RGS5: variants seen among roughly 807,000 people sequenced by gnomAD.
RGS5 encodes regulator of G-protein signalling 5.
A neutral mutation model predicts 18.9 loss-of-function variants in RGS5; 20 were observed. The ratio of observed to expected loss-of-function variants is 1.06; its 90% CI spans 0.74 to 1.54. RGS5 has a LOEUF of 1.54. RGS5 is among the 40% of genes most tolerant of loss of function. The pLI is 0.00. For missense variants in RGS5, 201 were observed against 211.8 expected (o/e 0.95, Z 0.32); for synonymous variants, 57 against 76.2 (o/e 0.75, Z 1.31).
chr1:163,166,896 A>G (rs1010688078), intron 2 of RGS5, among the ~76,000 whole-genome samples: 4 of 152,180 alleles, frequency 2.6e-5, no homozygotes, highest in African/African-American at 9.7e-5. Context: ...AAATTGTCAC[A>G]TTGTTTACTT....
At chr1:163,165,351 T>C (rs537137841) in intron 2 of RGS5, among the ~76,000 whole-genome samples, 4 of 152,288 alleles carry the variant, frequency 2.6e-5, no homozygotes, top group African/African-American at 9.6e-5. Flanking sequence ...AAGGGAGACA[T>C]TTATAATATA....
chr1:163,271,565 C>G (rs1648718489), intron 2 of RGS5, among the ~76,000 whole-genome samples: 1 of 152,152 alleles, frequency 6.6e-6, no homozygotes, highest in African/African-American at 2.4e-5. Context: ...TTAGGCCACC[C>G]AGCCTATGGT....
At position 163,147,232 on chromosome 1, in the gene RGS5, TGGG is replaced by T; in HGVS notation, c.*107_*109del. 1 of 1,147,064 alleles carries T rather than the reference TGGG, an allele frequency of 8.7e-7. No homozygotes were observed. Among genetic ancestry groups the T allele is most frequent in the Non-Finnish European group, 1.2e-6 (1 of 843,252 alleles). The allele number at this position is 1,147,064 out of a possible 1,614,324, so 71.1% of individuals were successfully genotyped here. A position where few individuals can be genotyped will look rare whatever the true frequency, so the allele number is the denominator to read the frequency against. On this transcript the variant is annotated 3_prime_UTR_variant, in exon 5 of 5. Coordinates refer to ENST00000313961, the MANE Select transcript of RGS5 (RefSeq NM_003617.4). ...AACATCCCCTGGGATTTTTCCCATGTGGGTATCACTGAGCAAAGCTGCTGTGGG... is the reference window on the plus strand; with the variant it reads ...AACATCCCCTGGGATTTTTCCCATGTTATCACTGAGCAAAGCTGCTGTGGG...
intron 2 of RGS5, among the ~76,000 whole-genome samples, chr1:163,280,827 A>G (rs1354214542): frequency 6.6e-6 from 1 of 152,236 alleles, no homozygotes; most frequent in East Asian, 1.9e-4. Context: ...TATTGAACAA[A>G]AAGAACAAAA....
intron 4 of RGS5, among the ~76,000 whole-genome samples, chr1:163,151,507 CATA>C (rs1238474407): frequency 1.3e-4 from 20 of 152,186 alleles, no homozygotes; most frequent in Admixed American, 1.3e-3. Flanking sequence ...CACCTTAAAT[CATA>C]ATAATTCCCA....
upstream of RGS5, among the ~76,000 whole-genome samples, chr1:163,220,472 C>A (rs910790766): frequency 6.6e-6 from 1 of 152,146 alleles, no homozygotes; most frequent in Admixed American, 6.6e-5. Flanking sequence ...GCAGTAGCTC[C>A]TCTTTTCCTC....
At chr1:163,267,557 G>GGATT (rs1170705243) in intron 2 of RGS5, among the ~76,000 whole-genome samples, 1 of 152,110 alleles carries the variant, frequency 6.6e-6, no homozygotes, top group Non-Finnish European at 1.5e-5. Flanking sequence ...TGGATGCCCA[G>GGATT]GATTGAGTCT....
chr1:163,146,803 T>C lies in RGS5; in HGVS notation c.*539A>G, dbSNP rs1657146059. The C allele has an allele frequency of 1.3e-5, 2 of 152,312 alleles. 1 individual carries two copies. Among genetic ancestry groups the C allele is most frequent in the Non-Finnish European group, 2.9e-5 (2 of 68,030 alleles). The allele number at this position is 152,312 out of a possible 1,614,324, so 9.4% of individuals were successfully genotyped here. On this transcript the variant is annotated 3_prime_UTR_variant, in exon 5 of 5. Coordinates refer to ENST00000313961, the MANE Select transcript of RGS5 (RefSeq NM_003617.4). ...AGGTGGTCCAAGGGAAGGATCAATATTTTAAATAACATATTTGCTTAAAAT... is the reference window on the plus strand; with the variant it reads ...AGGTGGTCCAAGGGAAGGATCAATACTTTAAATAACATATTTGCTTAAAAT...
At chr1:163,172,907 G>T (rs979331154) in intron 1 of RGS5, among the ~76,000 whole-genome samples, 2 of 152,046 alleles carry the variant, frequency 1.3e-5, no homozygotes, top group African/African-American at 4.8e-5. Context: ...AGAATCCCTG[G>T]AATATTATTT....
At chr1:163,250,306 G>C (rs1471175647) in intron 2 of RGS5, among the ~76,000 whole-genome samples, 1 of 152,218 alleles carries the variant, frequency 6.6e-6, no homozygotes, top group African/African-American at 2.4e-5. Context: ...GAAAAAAAGA[G>C]CCAAAGACAA....
intron 2 of RGS5, among the ~76,000 whole-genome samples, chr1:163,230,785 T>C (rs1173573476): frequency 6.6e-6 from 1 of 152,230 alleles, no homozygotes; most frequent in African/African-American, 2.4e-5. Flanking sequence ...CATACTACAT[T>C]GACTAGTTAG....
intron 1 of RGS5, among the ~76,000 whole-genome samples, chr1:163,185,158 A>G (rs1404135824): frequency 2.2e-4 from 34 of 151,950 alleles, no homozygotes; most frequent in Non-Finnish European, 1.0e-4. Flanking sequence ...TTCTCTCCTA[A>G]ACCCAAAAGC....
At chr1:163,236,454 T>C (rs780059818) in intron 2 of RGS5, among the ~76,000 whole-genome samples, 3 of 152,162 alleles carry the variant, frequency 2.0e-5, no homozygotes, top group Non-Finnish European at 2.9e-5. Flanking sequence ...ATACCTATGA[T>C]GACTATAAAT....
upstream of RGS5, among the ~76,000 whole-genome samples, chr1:163,221,811 T>C (rs535938719): frequency 2.0e-5 from 3 of 152,330 alleles, no homozygotes; most frequent in South Asian, 4.1e-4. Flanking sequence ...TCATTTTGCA[T>C]AGGCCAACCA....
At chr1:163,207,144 T>C (rs1258334866), upstream of RGS5, among the ~76,000 whole-genome samples, 1 of 152,224 alleles carries the variant, frequency 6.6e-6, no homozygotes, top group Non-Finnish European at 1.5e-5. Flanking sequence ...TAAATGGAAA[T>C]GAAATTGTTC....
chr1:163,266,526 A>G (rs929643153), intron 2 of RGS5: 2 of 152,038 alleles, frequency 1.3e-5, no homozygotes, highest in Admixed American at 1.3e-4. Context: ...ATCTATCTCC[A>G]TGCTTTGCCT....
intron 3 of RGS5, among the ~76,000 whole-genome samples, chr1:163,156,210 T>A (rs1657573230): frequency 6.6e-6 from 1 of 152,164 alleles, no homozygotes; most frequent in African/African-American, 2.4e-5. Context: ...AGTCATCAAA[T>A]CTCTCTGAGA....
chr1:163,169,803 C>G (rs972136426), intron 1 of RGS5, among the ~76,000 whole-genome samples: 1 of 151,988 alleles, frequency 6.6e-6, no homozygotes, highest in Admixed American at 6.6e-5. Context: ...TTATTTATTT[C>G]TCTATAAAAT....
Position 163,281,562 on chromosome 1 carries a change from T to C in RGS5, c.-281+24671A>G, listed in dbSNP as rs141959344. On this transcript the variant is annotated intron_variant, in intron 2 of 5. Transcript: ENST00000618415. ...TCACAAAAGGGATGGCACTAAGCCA[T>C]TCATGAGGGATCCATCCCCATGAGT... 6.4e-3 allele frequency among the ~76,000 whole-genome samples: 970 copies of C among 152,182 alleles called. 8 individuals are homozygous for C. The highest frequency in any genetic ancestry group is 0.022 in the African/African-American group (919 of 41,522).
Sources: allele counts gnomAD v4.1 joint callset (sites outside exome capture counted in the v4.1 genomes callset), GRCh38; gene constraint gnomAD v4.1.1; transcripts MANE v1.5; gene names NCBI Gene and HGNC (gene_info 2026-07-23, HGNC 2026-07-21).